The following EIF4G3 variants were observed in gnomAD, a reference collection of about 807,000 sequenced individuals.
EIF4G3 encodes the protein eIF-4-gamma 3.
EIF4G3 carries 34 observed loss-of-function variants against 186.4 expected under a neutral mutation model. The ratio of observed to expected loss-of-function variants is 0.18; its 90% CI spans 0.14 to 0.24. The LOEUF (loss-of-function observed/expected upper bound fraction) is 0.24. Among genes scored for constraint, EIF4G3 ranks in the 10% least tolerant of loss-of-function variants. The pLI is 1.00. For missense variants in EIF4G3, 1,536 were observed against 1,948.5 expected (o/e 0.79, Z 3.99); for synonymous variants, 673 against 679.5 (o/e 0.99, Z 0.15).
chr1:20,916,029 T>C (rs1281232298), intron 14 of EIF4G3, among the ~76,000 whole-genome samples: 1 of 152,126 alleles, frequency 6.6e-6, no homozygotes, highest in Non-Finnish European at 1.5e-5. Context: ...GAAACTGATA[T>C]ATAAAAATCT....
intron 2 of EIF4G3, among the ~76,000 whole-genome samples, chr1:21,118,120 A>C (rs192840096): frequency 3.6e-4 from 55 of 152,264 alleles, no homozygotes; most frequent in African/African-American, 1.2e-3. Context: ...GTTATTAAGA[A>C]ATTTCATGAT....
chr1:20,815,397 GC>G (rs1452500876), intron 34 of EIF4G3, among the ~76,000 whole-genome samples: 1 of 135,088 alleles, frequency 7.4e-6, no homozygotes, highest in African/African-American at 2.8e-5. Context: ...TGCCTGACCC[GC>G]CCATCGTCTG....
intron 22 of EIF4G3, among the ~76,000 whole-genome samples, chr1:20,862,844 G>A (rs1431815053): frequency 2.0e-5 from 3 of 152,104 alleles, no homozygotes; most frequent in African/African-American, 4.8e-5. Context: ...GCTCAATTAT[G>A]CCTCATTGCA....
At chr1:20,889,499 ATTTT>A (rs1449770101) in intron 18 of EIF4G3, among the ~76,000 whole-genome samples, 1 of 152,018 alleles carries the variant, frequency 6.6e-6, no homozygotes, top group Non-Finnish European at 1.5e-5. Flanking sequence ...AATTTTATTT[ATTTT>A]TTTTATTTTT....
chr1:21,072,956 G>A (rs1308808861), intron 3 of EIF4G3, among the ~76,000 whole-genome samples: 4 of 152,094 alleles, frequency 2.6e-5, no homozygotes, highest in Non-Finnish European at 4.4e-5. Flanking sequence ...AGAACCTTTG[G>A]AGATCAGCAC....
chr1:20,810,905 A>C lies in EIF4G3; in HGVS notation c.4598-21T>G. 1 of 1,602,058 alleles carries C rather than the reference A, an allele frequency of 6.2e-7. No homozygotes were observed. Among genetic ancestry groups the C allele is most frequent in the Non-Finnish European group, 8.5e-7 (1 of 1,171,630 alleles). On this transcript the variant is annotated intron_variant, in intron 35 of 36. Coordinates refer to ENST00000602326, the MANE Select transcript of EIF4G3 (RefSeq NM_001391906.1). This position sits in a 1 kb window ranked among gnomAD's most constrained non-coding sequence, Gnocchi z 4.1. ...GTCGGCTAAAGGTGATAGAAGAACT[A>C]GGAATTACATTTAAGGAGTTAACAT...
At chr1:20,811,007 T>A in intron 35 of EIF4G3, 123 bp from the exon 36 acceptor site, 2 of 914,144 alleles carry the variant, frequency 2.2e-6, no homozygotes, top group Non-Finnish European at 3.2e-6. Context: ...TGGAGTGCAG[T>A]GGCACAATCT....
At chr1:21,155,271 A>AAAAAG (rs1210772801) in intron 2 of EIF4G3, among the ~76,000 whole-genome samples, 1 of 148,362 alleles carries the variant, frequency 6.7e-6, no homozygotes, top group East Asian at 1.9e-4. Flanking sequence ...TCAAAAAAAA[A>AAAAAG]AAAAAAAAAA....
intron 32 of EIF4G3, among the ~76,000 whole-genome samples, chr1:20,826,481 CTTTTTTTTTTTTTTT>C (rs71014120): frequency 2.0e-5 from 1 of 50,634 alleles, no homozygotes; most frequent in East Asian, 1.1e-3. Flanking sequence ...GTGAGTCTTT[CTTTTTTTTTTTTTTT>C]TTTTTTTTTT....
intron 3 of EIF4G3, among the ~76,000 whole-genome samples, chr1:21,070,482 A>G (rs2095410287): frequency 6.6e-6 from 1 of 152,144 alleles, no homozygotes; most frequent in South Asian, 2.1e-4. Context: ...ACTTATCAAA[A>G]CATTAGAGAT....
chr1:20,990,501 C>T (rs1262527279), intron 7 of EIF4G3, among the ~76,000 whole-genome samples: 3 of 152,040 alleles, frequency 2.0e-5, no homozygotes, highest in African/African-American at 2.4e-5. Context: ...GGTGAAACCC[C>T]GTCTCTACCA....
chr1:21,160,747 G>C (rs12239941), intron 2 of EIF4G3, among the ~76,000 whole-genome samples: 1 of 152,162 alleles, frequency 6.6e-6, no homozygotes, highest in Non-Finnish European at 1.5e-5. Flanking sequence ...CACAGGAATC[G>C]TTACAAACCA....
At chr1:20,811,431 G>A (rs756227364) in intron 35 of EIF4G3, among the ~76,000 whole-genome samples, 2 of 152,144 alleles carry the variant, frequency 1.3e-5, no homozygotes, top group Admixed American at 6.5e-5. Flanking sequence ...AATTTTCTGA[G>A]TACAAAGGAC....
intron 14 of EIF4G3, among the ~76,000 whole-genome samples, chr1:20,936,347 C>T (rs1323256241): frequency 6.6e-6 from 1 of 152,150 alleles, no homozygotes; most frequent in Non-Finnish European, 1.5e-5. Flanking sequence ...AAACTGAAGC[C>T]AATGGTCCTT....
At chr1:20,842,396 T>C (rs1468332540) in intron 29 of EIF4G3, among the ~76,000 whole-genome samples, 1 of 152,216 alleles carries the variant, frequency 6.6e-6, no homozygotes, top group Non-Finnish European at 1.5e-5. Flanking sequence ...AGACAGAGTT[T>C]CACTCTTGTT....
chr1:20,888,355 G>A (rs907347645), intron 18 of EIF4G3, among the ~76,000 whole-genome samples: 1 of 152,062 alleles, frequency 6.6e-6, no homozygotes, highest in Non-Finnish European at 1.5e-5. Flanking sequence ...AAGCACCCAA[G>A]AAAAAATTTT....
In EIF4G3 at chr1:20,865,102, A is replaced by G. The variant is rs2077274483; in HGVS notation, c.2769+14T>C. The G allele has an allele frequency of 6.2e-7, 1 of 1,613,882 alleles. No individual in the cohort carries two copies. On this transcript the variant is annotated intron_variant, in intron 21 of 36. Transcript: ENST00000602326. Reference sequence around the variant, plus strand: ...CAAAGTGTACAAGCACTGTCTTTCTATGAAAATACTTACAGCACTGGCAGC... The same window carrying G: ...CAAAGTGTACAAGCACTGTCTTTCTGTGAAAATACTTACAGCACTGGCAGC...
At chr1:20,837,278 T>C (rs1328142921) in intron 30 of EIF4G3, among the ~76,000 whole-genome samples, 1 of 152,098 alleles carries the variant, frequency 6.6e-6, no homozygotes, top group African/African-American at 2.4e-5. Context: ...CAATCTCAGC[T>C]CACTGCAACC....
At chr1:21,065,384 G>A (rs2095182746) in intron 3 of EIF4G3, among the ~76,000 whole-genome samples, 1 of 144,804 alleles carries the variant, frequency 6.9e-6, no homozygotes, top group African/African-American at 2.5e-5. Flanking sequence ...AAAGAGCATG[G>A]GGTTGTTTCT....
Sources: gnomAD v4.1 joint callset for allele counts (sites outside exome capture counted in the v4.1 genomes callset) on GRCh38, gnomAD v4.1.1 for gene constraint, Gnocchi (gnomAD v3.1) non-coding constraint, MANE v1.5 for transcripts, NCBI Gene and HGNC (gene_info 2026-07-23, HGNC 2026-07-21) for gene names.